The following CBY2 variants were observed in gnomAD, a reference collection of about 807,000 sequenced individuals.
CBY2 encodes chibby family member 2, also known as protein chibby homolog 2.
In CBY2, 23 loss-of-function variants were observed where a neutral mutation model predicts 25.3. The observed-to-expected ratio is 0.91, with a 90% CI of 0.65 to 1.29. The LOEUF (loss-of-function observed/expected upper bound fraction) is 1.29. Among genes scored for constraint, CBY2 ranks in the 50% most tolerant of loss-of-function variants. The pLI is 0.00. For missense variants in CBY2, 642 were observed against 590.7 expected (o/e 1.09, Z -0.90); for synonymous variants, 279 against 260.2 (o/e 1.07, Z -0.70).
In CBY2 at chr13:45,714,481, ATT is replaced by A. The variant is rs1950302733; in HGVS notation, c.*110_*111del. 1 of 992,602 alleles carries A rather than the reference ATT, an allele frequency of 1.0e-6. No individual in the cohort carries two copies. The highest frequency in any genetic ancestry group is 1.6e-5 in the African/African-American group (1 of 60,954). The allele number at this position is 992,602 out of a possible 1,614,324, so 61.5% of individuals were successfully genotyped here. On this transcript the variant is annotated 3_prime_UTR_variant, in exon 3 of 3. Transcript: ENST00000310521. ...CGCCTTCCCCAGCCAGTTCGTACCT[ATT>A]GAAAAGCAGCGTTAGCAGCCTTCCT...
intron 2 of CBY2, among the ~76,000 whole-genome samples, chr13:45,711,173 T>C (rs1388759709): frequency 6.6e-6 from 1 of 152,232 alleles, no homozygotes; most frequent in Non-Finnish European, 1.5e-5. Flanking sequence ...TTCTACTTGC[T>C]CACTTCTTTT....
Position 45,713,173 on chromosome 13 carries a change from C to A in CBY2, c.157-9C>A. ...CGTTAACGCTGGGCTTTCCCATTCT[C>A]TCCCGCAGAGGGGCACAGCCGAACC... On this transcript the variant is annotated splice_polypyrimidine_tract_variant and intron_variant, in intron 2 of 2. Coordinates refer to ENST00000310521, the MANE Select transcript of CBY2 (RefSeq NM_152719.3). The surrounding 1 kb of genome is among the most constrained non-coding windows in gnomAD (Gnocchi z 5.0). 6.2e-7 allele frequency: 1 copy of A among 1,600,052 alleles called. No individual in the cohort carries two copies. The highest frequency in any genetic ancestry group is 8.5e-7 in the Non-Finnish European group (1 of 1,171,766).
At position 45,713,285 on chromosome 13, in the gene CBY2, A is replaced by G; in HGVS notation, c.260A>G (p.Gln87Arg). The G allele has an allele frequency of 6.2e-7, 1 of 1,613,984 alleles. No individual in the cohort carries two copies. The highest frequency in any genetic ancestry group is 2.2e-5 in the East Asian group (1 of 44,876). ...LPRLSRRMAS[Q>R]HSYPLNRFSS... ...CGGCTGAGCCGCAGGATGGCGAGCCAGCACTCCTATCCACTGAACCGCTTC... is the reference window on the plus strand; with the variant it reads ...CGGCTGAGCCGCAGGATGGCGAGCCGGCACTCCTATCCACTGAACCGCTTC... The change falls in exon 3 of 3, where the codon CAG becomes CGG. Residue 87 changes from glutamine to arginine, a missense_variant. By Grantham distance (43) the Gln-to-Arg change is conservative. Coordinates refer to ENST00000310521, the MANE Select transcript of CBY2 (RefSeq NM_152719.3). This position sits in a 1 kb window ranked among gnomAD's most constrained non-coding sequence, Gnocchi z 5.0.
Position 45,714,393 on chromosome 13 carries a change from A to T in CBY2, c.*21A>T. ...TCTGAGGCCTCGGCCTTGCACCGGGACGCCGAGTTTGGGACACCGAACACT... is the reference window on the plus strand; with the variant it reads ...TCTGAGGCCTCGGCCTTGCACCGGGTCGCCGAGTTTGGGACACCGAACACT... On this transcript the variant is annotated 3_prime_UTR_variant, in exon 3 of 3. Coordinates refer to ENST00000310521, the MANE Select transcript of CBY2 (RefSeq NM_152719.3). The T allele has an allele frequency of 6.5e-7, 1 of 1,547,808 alleles. No homozygotes were observed. The highest frequency in any genetic ancestry group is 1.2e-5 in the South Asian group (1 of 82,374).
At position 45,713,561 on chromosome 13, in the gene CBY2, AC is replaced by A; in HGVS notation, c.537del (p.Asn179LysfsTer51). ...GAGAACAAGTCTCTGCGGGAGGAGA[AC>A]AAGGCCCTGCGCGAGGAGAACCGGA... ...QEENKSLREE[N>X]KALREENRML... On this transcript the variant is annotated frameshift_variant, in exon 3 of 3. Transcript: ENST00000310521. LOFTEE classifies it high-confidence loss of function. The surrounding 1 kb of genome is among the most constrained non-coding windows in gnomAD (Gnocchi z 5.0). The A allele has an allele frequency of 3.1e-6, 5 of 1,614,110 alleles. No individual in the cohort carries two copies. The highest frequency in any genetic ancestry group is 4.2e-6 in the Non-Finnish European group (5 of 1,180,016).
chr13:45,707,134 A>G (rs1480041350), intron 2 of CBY2, among the ~76,000 whole-genome samples: 1 of 152,132 alleles, frequency 6.6e-6, no homozygotes, highest in Admixed American at 6.5e-5. Context: ...CAGTCAAAGG[A>G]AGGACTTTTG....
intron 2 of CBY2, among the ~76,000 whole-genome samples, chr13:45,705,283 A>T (rs543301399): frequency 6.6e-6 from 1 of 152,254 alleles, no homozygotes; most frequent in South Asian, 2.1e-4. Flanking sequence ...TTCAGTTCTC[A>T]CAGACTTTCG....
At chr13:45,703,324 A>C (rs1950221793) in intron 2 of CBY2, 2 of 1,402,772 alleles carry the variant, frequency 1.4e-6, no homozygotes, top group Admixed American at 6.0e-5. Flanking sequence ...CCTGCTATGC[A>C]TCAAAGACAG....
At chr13:45,711,595 C>A (rs1465095150) in intron 2 of CBY2, among the ~76,000 whole-genome samples, 3 of 152,130 alleles carry the variant, frequency 2.0e-5, no homozygotes, top group African/African-American at 7.2e-5. Flanking sequence ...TCCTAACCAC[C>A]TGCAGCCAGG....
chr13:45,703,679 G>A, intron 2 of CBY2: 1 of 1,181,914 alleles, frequency 8.5e-7, no homozygotes, highest in Non-Finnish European at 1.2e-6. Context: ...TAACAATCTA[G>A]GCAAGTATGT....
In CBY2 at chr13:45,714,080, G is replaced by T; in HGVS notation, c.1055G>T (p.Gly352Val). Residue 352 changes from glycine to valine, a missense_variant, in exon 3 of 3, where the codon GGC (glycine) becomes GTC (valine). Physicochemically the swap from Gly to Val is moderately radical, Grantham distance 109. Coordinates refer to ENST00000310521, the MANE Select transcript of CBY2 (RefSeq NM_152719.3). Reference protein sequence around the residue: ...EAKVGPGLPDGCQPLQLLREM... With the variant: ...EAKVGPGLPDVCQPLQLLREM... ...AAGGTGGGCCCGGGCCTGCCCGACG[G>T]CTGCCAGCCCCTGCAGCTGCTGAGA... is the stretch of plus-strand genomic sequence containing the variant. 1 of 1,531,216 alleles carries T rather than the reference G, an allele frequency of 6.5e-7. No individual in the cohort carries two copies. 94.9% of individuals were successfully genotyped at this position (1,531,216 alleles called of 1,614,324 possible).
chr13:45,702,560 C>A, intron 1 of CBY2, 95 bp downstream of exon 1: 1 of 1,082,588 alleles, frequency 9.2e-7, no homozygotes, highest in Non-Finnish European at 1.4e-6. Flanking sequence ...CCTTTTACAT[C>A]AACTATAATA....
chr13:45,705,985 G>C (rs940622136), intron 2 of CBY2, among the ~76,000 whole-genome samples: 2 of 152,186 alleles, frequency 1.3e-5, no homozygotes, highest in Admixed American at 1.3e-4. Context: ...GTGTGTGTCA[G>C]CTAAGCCTGG....
Position 45,713,686 on chromosome 13 carries a change from A to C in CBY2, c.661A>C (p.Lys221Gln). 6.2e-7 allele frequency: 1 copy of C among 1,612,654 alleles called. No individual in the cohort carries two copies. Among genetic ancestry groups the C allele is most frequent in the Non-Finnish European group, 8.5e-7 (1 of 1,179,944 alleles). Residue 221 changes from lysine (K) to glutamine (Q), a missense_variant, in exon 3 of 3, where the codon AAA (lysine) becomes CAA (glutamine). Transcript: ENST00000310521. The surrounding 1 kb of genome is among the most constrained non-coding windows in gnomAD (Gnocchi z 5.0). Reference protein sequence around the residue: ...ESRAPSPLLHKDSASLEVVKK... With the variant: ...ESRAPSPLLHQDSASLEVVKK... ...CCGGGCCCCCTCGCCACTGCTGCAC[A>C]AAGACAGCGCGTCCCTGGAGGTGGT... is the stretch of plus-strand genomic sequence containing the variant.
At chr13:45,709,379 T>C (rs1367663360) in intron 2 of CBY2, among the ~76,000 whole-genome samples, 1 of 152,248 alleles carries the variant, frequency 6.6e-6, no homozygotes, top group Non-Finnish European at 1.5e-5. Context: ...AAAGCCATCA[T>C]GGCCAAATAT....
chr13:45,708,580 T>C (rs535655677), intron 2 of CBY2, among the ~76,000 whole-genome samples: 1 of 152,300 alleles, frequency 6.6e-6, no homozygotes, highest in Non-Finnish European at 1.5e-5. Flanking sequence ...AGAGCTTTCC[T>C]TTAAGGATTA....
rs769767293 is a variant in CBY2 at position 45,702,334 on chromosome 13, C to A, written c.-57C>A. On this transcript the variant is annotated 5_prime_UTR_variant, in exon 1 of 3. Coordinates refer to ENST00000310521, the MANE Select transcript of CBY2 (RefSeq NM_152719.3). ...TCCTGCCTGTCAGATGCCTCATTCC[C>A]ACCTGTGATGCTCAGAGAGAAACCA... 2 of 1,499,638 alleles carry A rather than the reference C, an allele frequency of 1.3e-6. No individual in the cohort carries two copies. Among genetic ancestry groups the A allele is most frequent in the Non-Finnish European group, 1.9e-6 (2 of 1,075,928 alleles). The allele number at this position is 1,499,638 out of a possible 1,614,324, so 92.9% of individuals were successfully genotyped here.
At chr13:45,703,125 A>G (rs1950220797) in intron 2 of CBY2, 1 of 1,287,930 alleles carries the variant, frequency 7.8e-7, no homozygotes, top group African/African-American at 1.5e-5. Flanking sequence ...TCTATGATAC[A>G]CTGAAGTAAC....
rs757820279 is a variant in CBY2 at position 45,702,376 on chromosome 13, C to A, written c.-15C>A. On this transcript the variant is annotated 5_prime_UTR_variant, in exon 1 of 3. Transcript: ENST00000310521. ...GAGAAACCATGAGCCCTGAAAAACA[C>A]CATATTGTTTTGTGATGTCACCTCT... is the stretch of plus-strand genomic sequence containing the variant. 2.8e-5 allele frequency: 45 copies of A among 1,612,012 alleles called. 1 individual carries two copies. The highest frequency in any genetic ancestry group is 2.7e-4 in the African/African-American group (20 of 74,998).
Sources: allele counts gnomAD v4.1 joint callset (sites outside exome capture counted in the v4.1 genomes callset), GRCh38; gene constraint gnomAD v4.1.1; non-coding constraint Gnocchi (gnomAD v3.1); transcripts MANE v1.5; gene names NCBI Gene and HGNC (gene_info 2026-07-23, HGNC 2026-07-21).